Variants in PIAS4 observed in about 807,000 individuals in gnomAD.
The protein encoded by PIAS4 is protein inhibitor of activated STAT 4.
In PIAS4, 7 loss-of-function variants were observed where a neutral mutation model predicts 58.0. The observed-to-expected ratio is 0.12, with a 90% CI of 0.07 to 0.23. The LOEUF (loss-of-function observed/expected upper bound fraction) is 0.23. Ranked by LOEUF, PIAS4 falls within the 10% of genes least tolerant of loss-of-function variation. The probability of loss-of-function intolerance (pLI) is 1.00; values close to 1 mark genes in which losing one functional copy is unlikely to be tolerated. For synonymous variants in PIAS4, 364 were observed against 312.4 expected, an observed-to-expected ratio of 1.17 and a Z score of -1.74; for missense variants, 550 against 709.5, an observed-to-expected ratio of 0.78 and a Z score of 2.55.
chr19:4,011,234 G>C (rs543462249), intron 1 of PIAS4, among the ~76,000 whole-genome samples: 1 of 152,196 alleles, frequency 6.6e-6, no homozygotes, highest in Non-Finnish European at 1.5e-5. Flanking sequence ...CACCCTTGAC[G>C]CTTGAGCTTT....
In PIAS4 at chr19:4,013,103, A is replaced by G; in HGVS notation, c.208A>G (p.Asn70Asp). The change falls in exon 2 of 11, where the codon AAC (asparagine) becomes GAC (aspartate). Residue 70 changes from asparagine (N) to aspartate (D), a missense_variant. Transcript: ENST00000262971. The surrounding 1 kb of genome is among the most constrained non-coding windows in gnomAD (Gnocchi z 5.1). ...GTACGAGACCCGCTACGCCAAGAAGAACTCGGAGCCTGCCCCACAGCCGCA... is the reference window on the plus strand; with the variant it reads ...GTACGAGACCCGCTACGCCAAGAAGGACTCGGAGCCTGCCCCACAGCCGCA... ...ELYETRYAKKNSEPAPQPHRP... is the reference protein window; with the variant it reads ...ELYETRYAKKDSEPAPQPHRP... 2 of 1,613,402 alleles carry G rather than the reference A, an allele frequency of 1.2e-6. No individual in the cohort carries two copies. Among genetic ancestry groups the G allele is most frequent in the Non-Finnish European group, 1.7e-6 (2 of 1,180,002 alleles).
In PIAS4 at chr19:4,024,071, T is replaced by C. The variant is rs769537741; in HGVS notation, c.490T>C (p.Cys164Arg). 1.9e-6 allele frequency: 3 copies of C among 1,614,008 alleles called. No homozygotes were observed. Among genetic ancestry groups the C allele is most frequent in the Non-Finnish European group, 2.5e-6 (3 of 1,179,912 alleles). Residue 164 changes from cysteine (C) to arginine (R), a missense_variant, in exon 3 of 11, where the codon TGC (cysteine) becomes CGC (arginine). Cys to Arg is a radical substitution (Grantham distance 180, BLOSUM62 -3). Around this residue, in one of 4 missense-constraint regions of PIAS4, gnomAD observed 225 missense variants for 345.8 expected, o/e 0.65. Transcript: ENST00000262971. ...QNNEKLQESP[C>R]IFALTPRQVE... is the part of the protein sequence containing the mutation. ...CAACGAGAAGCTTCAGGAGAGCCCG[T>C]GCATCTTCGCATTGACGCCAAGACA... is the stretch of plus-strand genomic sequence containing the variant.
Position 4,013,901 on chromosome 19 carries a change from C to T in PIAS4, c.454+552C>T, listed in dbSNP as rs183310114. ...TTATAACCCAACCTCGGACACGCCTCGCCATCTCCCCCACAGAGTCCGTTG... is the reference window on the plus strand; with the variant it reads ...TTATAACCCAACCTCGGACACGCCTTGCCATCTCCCCCACAGAGTCCGTTG... On this transcript the variant is annotated intron_variant, in intron 2 of 10. Coordinates refer to ENST00000262971, the MANE Select transcript of PIAS4 (RefSeq NM_015897.4). This position sits in a 1 kb window ranked among gnomAD's most constrained non-coding sequence, Gnocchi z 5.1. Among the ~76,000 whole-genome samples the T allele has an allele frequency of 5.9e-4, 90 of 152,274 alleles. 1 individual carries two copies. Among genetic ancestry groups the T allele is most frequent in the Admixed American group, 1.4e-3 (22 of 15,306 alleles).
intron 2 of PIAS4, among the ~76,000 whole-genome samples, chr19:4,021,265 C>G (rs1280100930): frequency 6.6e-6 from 1 of 152,102 alleles, no homozygotes; most frequent in Non-Finnish European, 1.5e-5. Flanking sequence ...CGATTCTCCT[C>G]AGCCTCCCGA....
chr19:4,036,635 A>G (rs924418828), intron 9 of PIAS4, among the ~76,000 whole-genome samples: 5 of 137,630 alleles, frequency 3.6e-5, no homozygotes, highest in Admixed American at 2.1e-4. Flanking sequence ...TCACATCTAT[A>G]CAGTCCACAC....
At chr19:4,035,449 C>A (rs940890294) in intron 9 of PIAS4, among the ~76,000 whole-genome samples, 3 of 152,148 alleles carry the variant, frequency 2.0e-5, no homozygotes, top group Non-Finnish European at 4.4e-5. Context: ...GGCCTTGTGG[C>A]CTCAGGGAAC....
intron 7 of PIAS4, among the ~76,000 whole-genome samples, chr19:4,029,758 C>T (rs1201028386): frequency 6.6e-6 from 1 of 150,984 alleles, no homozygotes; most frequent in Non-Finnish European, 1.5e-5. Context: ...ATCCTCCTGC[C>T]TCAGCCTCCT....
At chr19:4,021,262 C>T (rs934731742) in intron 2 of PIAS4, among the ~76,000 whole-genome samples, 6 of 152,160 alleles carry the variant, frequency 3.9e-5, no homozygotes, top group African/African-American at 1.4e-4. Flanking sequence ...AAGCGATTCT[C>T]CTCAGCCTCC....
chr19:4,036,771 GTC>G (rs564333332), intron 9 of PIAS4, among the ~76,000 whole-genome samples: 1,310 of 130,620 alleles, frequency 0.01, 17 homozygotes, highest in Non-Finnish European at 0.017. Context: ...GGTCTACACC[GTC>G]ACACACACAC....
In PIAS4 at chr19:4,038,046, G is replaced by A; in HGVS notation, c.*171G>A. On this transcript the variant is annotated 3_prime_UTR_variant, in exon 11 of 11. Coordinates refer to ENST00000262971, the MANE Select transcript of PIAS4 (RefSeq NM_015897.4). This position sits in a 1 kb window ranked among gnomAD's most constrained non-coding sequence, Gnocchi z 4.1. ...TGTACCTCTGGACTCTCCTATCGGG[G>A]GATTAAAAAAAAAAGTAAAATGACA... The A allele has an allele frequency of 1.1e-5, 6 of 524,084 alleles. No individual in the cohort carries two copies. Among genetic ancestry groups the A allele is most frequent in the South Asian group, 7.2e-5 (2 of 27,870 alleles). 32.5% of individuals were successfully genotyped at this position (524,084 alleles called of 1,614,324 possible).
chr19:4,033,192 CCCT>C lies in PIAS4; in HGVS notation c.981+24_981+26del, dbSNP rs1568220425. 2 of 1,601,066 alleles carry C rather than the reference CCCT, an allele frequency of 1.2e-6. No individual in the cohort carries two copies. Among genetic ancestry groups the C allele is most frequent in the Non-Finnish European group, 8.5e-7 (1 of 1,174,894 alleles). On this transcript the variant is annotated intron_variant, in intron 8 of 10. Coordinates refer to ENST00000262971, the MANE Select transcript of PIAS4 (RefSeq NM_015897.4). ...CTGTCCGGTGAGTCGGGGCGCGGTC[CCCT>C]CCTCGAGGCCTCTCCTGCGGCCGGC... is the stretch of plus-strand genomic sequence containing the variant.
intron 2 of PIAS4, among the ~76,000 whole-genome samples, chr19:4,021,880 G>A (rs184094249): frequency 6.6e-6 from 1 of 151,012 alleles, no homozygotes; most frequent in Non-Finnish European, 1.5e-5. Flanking sequence ...AAAGTAGCTG[G>A]GACTACAGGT....
At position 4,019,043 on chromosome 19, in the gene PIAS4, G is replaced by A. The variant is rs535016948; in HGVS notation, c.455-4993G>A. On this transcript the variant is annotated intron_variant, in intron 2 of 10. Coordinates refer to ENST00000262971, the MANE Select transcript of PIAS4 (RefSeq NM_015897.4). ...GGGGCGGGCTCTGGCTGCTGAGACC[G>A]GCAGAGCTGGGGGCAGTCGTCTGCA... Among the ~76,000 whole-genome samples, 10 of 152,188 alleles carry A rather than the reference G, an allele frequency of 6.6e-5. No individual in the cohort carries two copies. The East Asian group carries it at 9.7e-4, about 15-fold the overall frequency.
At chr19:4,034,843 C>T (rs1049804800) in intron 9 of PIAS4, among the ~76,000 whole-genome samples, 4 of 152,152 alleles carry the variant, frequency 2.6e-5, no homozygotes, top group Non-Finnish European at 5.9e-5. Context: ...TTGGTTCATA[C>T]TTTGTTCCAT....
At chr19:4,029,067 G>A (rs750233698) in intron 7 of PIAS4, 31 bp downstream of exon 7, 1 of 1,511,222 alleles carries the variant, frequency 6.6e-7, no homozygotes, top group Non-Finnish European at 9.0e-7. Flanking sequence ...CGGCCGAGGG[G>A]TGCCAAGTCC....
At position 4,016,663 on chromosome 19, in the gene PIAS4, C is replaced by T. The variant is rs540709533; in HGVS notation, c.454+3314C>T. 9.9e-5 allele frequency among the ~76,000 whole-genome samples: 15 copies of T among 152,266 alleles called. No homozygotes were observed. The East Asian group carries it at 1.7e-3, about 18-fold the overall frequency. On this transcript the variant is annotated intron_variant, in intron 2 of 10. Transcript: ENST00000262971. ...CAGGAAGGCCTCCTGGAGGCAGCAG[C>T]GTTTCAGTCCAGACCCGAGGGTGAC...
At chr19:4,030,943 C>A (rs1432098742) in intron 7 of PIAS4, among the ~76,000 whole-genome samples, 1 of 152,114 alleles carries the variant, frequency 6.6e-6, no homozygotes, top group Non-Finnish European at 1.5e-5. Flanking sequence ...AGGACTGGGA[C>A]CACCTGCCAG....
At position 4,036,759 on chromosome 19, in the gene PIAS4, A is replaced by T. The variant is rs980170487; in HGVS notation, c.1143-615A>T. ...CCATCACATGCACACACACATCTAT[A>T]TGGTCTACACCGTCACACACACACA... On this transcript the variant is annotated intron_variant, in intron 9 of 10. Coordinates refer to ENST00000262971, the MANE Select transcript of PIAS4 (RefSeq NM_015897.4). Among the ~76,000 whole-genome samples the T allele has an allele frequency of 3.0e-4, 45 of 150,528 alleles. No homozygotes were observed. In the South Asian group the frequency reaches 4.0e-3, roughly 13 times the overall value.
At chr19:4,027,071 C>G (rs1338257269) in intron 3 of PIAS4, among the ~76,000 whole-genome samples, 1 of 151,798 alleles carries the variant, frequency 6.6e-6, no homozygotes, top group African/African-American at 2.4e-5. Context: ...CCAGGAGGGT[C>G]TCGATCTCCT....
Sources: allele counts gnomAD v4.1 joint callset (sites outside exome capture counted in the v4.1 genomes callset), GRCh38; gene constraint gnomAD v4.1.1; regional missense constraint gnomAD v4.1.1; non-coding constraint Gnocchi (gnomAD v3.1); transcripts MANE v1.5; gene names NCBI Gene and HGNC (gene_info 2026-07-23, HGNC 2026-07-21).